The following DIAPH2 variants were observed in gnomAD, a reference collection of about 807,000 sequenced individuals.
DIAPH2 encodes diaphanous related formin 2.
A neutral mutation model predicts 92.7 loss-of-function variants in DIAPH2; 35 were observed. That is an observed-to-expected ratio of 0.38 (90% CI 0.29 to 0.50). DIAPH2 has a LOEUF of 0.50. Among genes scored for constraint, DIAPH2 ranks in the 20% least tolerant of loss-of-function variants. DIAPH2 has a pLI of 0.94. For synonymous variants in DIAPH2, 301 were observed against 280.4 expected, an observed-to-expected ratio of 1.07 and a Z score of -0.73; for missense variants, 701 against 819.5, an observed-to-expected ratio of 0.86 and a Z score of 1.77.
intron 22 of DIAPH2, among the ~76,000 whole-genome samples, chrX:97,147,208 G>C (rs1489397878): frequency 9.0e-6 from 1 of 110,543 alleles, no homozygotes; most frequent in East Asian, 2.8e-4. Flanking sequence ...TTTTATTCTT[G>C]GTTAAATTAT....
intron 23 of DIAPH2, among the ~76,000 whole-genome samples, chrX:97,320,057 G>A (rs958876715): frequency 3.5e-4 from 37 of 105,176 alleles, no homozygotes; most frequent in African/African-American, 1.2e-3. Flanking sequence ...CCAAGATTGC[G>A]CCATTGCACT....
At chrX:96,891,027 C>T (rs233211) in intron 5 of DIAPH2, among the ~76,000 whole-genome samples, 8,298 of 111,197 alleles carry the variant, frequency 0.075, 765 homozygotes, top group African/African-American at 0.26. Context: ...TTATTTGTCT[C>T]GTGGTGGCTG....
At chrX:96,848,920 A>G in intron 4 of DIAPH2, among the ~76,000 whole-genome samples, 1 of 111,859 alleles carries the variant, frequency 8.9e-6, no homozygotes. Flanking sequence ...GGTTTTTTCC[A>G]TCACAGTTTT....
chrX:96,961,471 A>C (rs1318232340), intron 16 of DIAPH2, among the ~76,000 whole-genome samples: 2 of 106,209 alleles, frequency 1.9e-5, no homozygotes, highest in Non-Finnish European at 3.9e-5. Flanking sequence ...AAAAAAAAAA[A>C]ACCTAACTTT....
chrX:97,159,922 G>A (rs1277819557), intron 22 of DIAPH2, among the ~76,000 whole-genome samples: 1 of 111,177 alleles, frequency 9.0e-6, no homozygotes, highest in Non-Finnish European at 1.9e-5. Flanking sequence ...CTACAGGACT[G>A]CCAGCTTCAT....
chrX:97,300,946 A>AAAACAAAAAAAAC (rs2068694828), intron 23 of DIAPH2, among the ~76,000 whole-genome samples: 1 of 59,653 alleles, frequency 1.7e-5, no homozygotes, highest in African/African-American at 5.8e-5. Flanking sequence ...AAAAAAAAAA[A>AAAACAAAAAAAAC]AAAAAAAAAA....
At chrX:96,806,161 A>G (rs1463403513) in intron 4 of DIAPH2, among the ~76,000 whole-genome samples, 8 of 111,780 alleles carry the variant, frequency 7.2e-5, no homozygotes, top group Non-Finnish European at 1.3e-4. Flanking sequence ...TGATTATTCT[A>G]TGCAGAAACC....
intron 21 of DIAPH2, among the ~76,000 whole-genome samples, chrX:97,137,082 A>G (rs373380218): frequency 1.9e-5 from 2 of 107,550 alleles, no homozygotes; most frequent in East Asian, 5.9e-4. Flanking sequence ...TTCTCCATTC[A>G]TATTTGCTTT....
intron 26 of DIAPH2, among the ~76,000 whole-genome samples, chrX:97,494,652 A>G (rs1178322568): frequency 8.9e-6 from 1 of 112,223 alleles, no homozygotes; most frequent in African/African-American, 3.2e-5. Flanking sequence ...TAACCAATTC[A>G]CTAGGCTAGA....
At chrX:97,274,619 CAA>C (rs1201372256) in intron 23 of DIAPH2, among the ~76,000 whole-genome samples, 3 of 108,496 alleles carry the variant, frequency 2.8e-5, no homozygotes, top group Admixed American at 9.8e-5. Flanking sequence ...TTTTTCAGCA[CAA>C]GTTTTTTTTT....
chrX:96,922,050 C>T (rs2147787270), intron 9 of DIAPH2, among the ~76,000 whole-genome samples: 1 of 110,843 alleles, frequency 9.0e-6, no homozygotes, highest in African/African-American at 3.3e-5. Context: ...AATATGTTAT[C>T]CCATTTAAAC....
chrX:97,150,002 A>AT (rs956740215), intron 22 of DIAPH2, among the ~76,000 whole-genome samples: 1 of 109,714 alleles, frequency 9.1e-6, no homozygotes, highest in Non-Finnish European at 1.9e-5. Context: ...CAGTCACAGA[A>AT]TTTTTTTTTA....
chrX:97,429,084 A>G (rs1030676719), intron 25 of DIAPH2, among the ~76,000 whole-genome samples: 2 of 112,005 alleles, frequency 1.8e-5, no homozygotes, highest in Non-Finnish European at 3.8e-5. Context: ...GTGGCCTTTC[A>G]GATAATGTGG....
intron 26 of DIAPH2, among the ~76,000 whole-genome samples, chrX:97,594,171 A>G (rs951353851): frequency 9.0e-5 from 7 of 77,687 alleles, no homozygotes; most frequent in Admixed American, 1.7e-4. Context: ...CTGCATATGT[A>G]GTTTGAGCTC....
chrX:97,522,009 T>C (rs2070994648), intron 26 of DIAPH2, among the ~76,000 whole-genome samples: 2 of 112,179 alleles, frequency 1.8e-5, no homozygotes, highest in African/African-American at 6.5e-5. Context: ...AGAAGTCATT[T>C]GCACATAGGT....
intron 23 of DIAPH2, among the ~76,000 whole-genome samples, chrX:97,316,556 T>A (rs1211041381): frequency 1.8e-5 from 2 of 108,281 alleles, no homozygotes; most frequent in Admixed American, 2.0e-4. Context: ...CTCGGGAGGC[T>A]GAGGCAGTAG....
intron 26 of DIAPH2, among the ~76,000 whole-genome samples, chrX:97,597,711 C>G (rs560808832): frequency 2.3e-4 from 26 of 111,452 alleles, no homozygotes; most frequent in Admixed American, 1.6e-3. Context: ...AATCTGTATG[C>G]AAACCAGTGA....
intron 26 of DIAPH2, among the ~76,000 whole-genome samples, chrX:97,578,276 C>T (rs1318020154): frequency 2.0e-4 from 22 of 108,321 alleles, no homozygotes; most frequent in East Asian, 8.7e-4. Flanking sequence ...CCCACTAACT[C>T]GTCATCTAGC....
intron 23 of DIAPH2, among the ~76,000 whole-genome samples, chrX:97,308,510 G>A (rs902079938): frequency 2.7e-5 from 3 of 110,696 alleles, no homozygotes; most frequent in East Asian, 2.9e-4. Context: ...GGCCAGGCGC[G>A]GTGGCTCACG....
Sources: gnomAD v4.1 joint callset for allele counts (sites outside exome capture counted in the v4.1 genomes callset) on GRCh38, gnomAD v4.1.1 for gene constraint, MANE v1.5 for transcripts, NCBI Gene and HGNC (gene_info 2026-07-23, HGNC 2026-07-21) for gene names.